The following ST6GALNAC3 variants were observed in gnomAD, a reference collection of about 807,000 sequenced individuals.
The protein encoded by ST6GALNAC3 is ST6 N-acetylgalactosaminide alpha-2,6-sialyltransferase 3.
ST6GALNAC3 carries 25 observed loss-of-function variants against 32.7 expected under a neutral mutation model. The ratio of observed to expected loss-of-function variants is 0.76; its 90% CI spans 0.56 to 1.07. The LOEUF is 1.07. Ranked by LOEUF, ST6GALNAC3 falls within the 50% of genes least tolerant of loss-of-function variation. The pLI, the probability that ST6GALNAC3 is intolerant of heterozygous loss-of-function variation, is 0.00. For synonymous variants in ST6GALNAC3, 129 were observed against 133.1 expected, an observed-to-expected ratio of 0.97 and a Z score of 0.21; for missense variants, 355 against 382.4, an observed-to-expected ratio of 0.93 and a Z score of 0.60.
chr1:76,260,293 C>G (rs1658150700), intron 1 of ST6GALNAC3, among the ~76,000 whole-genome samples: 1 of 152,244 alleles, frequency 6.6e-6, no homozygotes, highest in African/African-American at 2.4e-5. Context: ...TACACTTTCA[C>G]TAGTACCTTC....
chr1:76,191,666 A>G (rs1473713855), intron 1 of ST6GALNAC3, among the ~76,000 whole-genome samples: 3 of 152,146 alleles, frequency 2.0e-5, no homozygotes, highest in African/African-American at 4.8e-5. Context: ...CAATGTGTCA[A>G]CTAAAAAATA....
intron 3 of ST6GALNAC3, among the ~76,000 whole-genome samples, chr1:76,622,953 A>G (rs1160027554): frequency 6.6e-6 from 1 of 151,992 alleles, no homozygotes; most frequent in Non-Finnish European, 1.5e-5. Context: ...ATATCTTTCC[A>G]GAAATGAGAA....
At chr1:76,153,533 T>A (rs1413384004) in intron 1 of ST6GALNAC3, among the ~76,000 whole-genome samples, 2 of 152,066 alleles carry the variant, frequency 1.3e-5, no homozygotes, top group Non-Finnish European at 2.9e-5. Flanking sequence ...ACAAAGCCGT[T>A]TGGGGAGGGG....
At chr1:76,191,155 G>A (rs1196916811) in intron 1 of ST6GALNAC3, among the ~76,000 whole-genome samples, 1 of 152,122 alleles carries the variant, frequency 6.6e-6, no homozygotes, top group Non-Finnish European at 1.5e-5. Flanking sequence ...GCTAGAGATG[G>A]AGCATGAGGT....
chr1:76,452,668 G>C (rs1033698587), intron 3 of ST6GALNAC3, among the ~76,000 whole-genome samples: 1 of 152,120 alleles, frequency 6.6e-6, no homozygotes, highest in African/African-American at 2.4e-5. Flanking sequence ...TACACTGTTG[G>C]ATTCAGTTAG....
chr1:76,585,392 G>A (rs140908012), intron 3 of ST6GALNAC3, among the ~76,000 whole-genome samples: 138 of 144,364 alleles, frequency 9.6e-4, no homozygotes, highest in Non-Finnish European at 1.2e-3. Context: ...TCTCAAAAAA[G>A]AAAAAAAAAA....
chr1:76,341,425 T>C (rs1248186111), intron 2 of ST6GALNAC3, among the ~76,000 whole-genome samples: 2 of 152,182 alleles, frequency 1.3e-5, no homozygotes, highest in African/African-American at 2.4e-5. Flanking sequence ...CCATGGTGTG[T>C]ATGTGACACA....
chr1:76,110,190 TC>T (rs552183763), intron 1 of ST6GALNAC3, among the ~76,000 whole-genome samples: 39 of 152,330 alleles, frequency 2.6e-4, no homozygotes, highest in Admixed American at 1.8e-3. Flanking sequence ...TTTTCCACAT[TC>T]CTTTCTTCTT....
At chr1:76,411,432 T>A (rs1415054663) in intron 2 of ST6GALNAC3, among the ~76,000 whole-genome samples, 1 of 152,138 alleles carries the variant, frequency 6.6e-6, no homozygotes, top group African/African-American at 2.4e-5. Flanking sequence ...ATATGATGAC[T>A]TGAGGGAATC....
chr1:76,401,439 T>C (rs1653408402), intron 2 of ST6GALNAC3, among the ~76,000 whole-genome samples: 1 of 152,224 alleles, frequency 6.6e-6, no homozygotes, highest in Non-Finnish European at 1.5e-5. Context: ...CCAATCTCAT[T>C]GAACATCGTA....
At chr1:76,145,229 G>A (rs1222749252) in intron 1 of ST6GALNAC3, among the ~76,000 whole-genome samples, 1 of 152,112 alleles carries the variant, frequency 6.6e-6, no homozygotes, top group Non-Finnish European at 1.5e-5. Context: ...AGTCTTTCTA[G>A]ACCAAAGGAC....
At chr1:76,377,390 G>A (rs1216567995) in intron 2 of ST6GALNAC3, among the ~76,000 whole-genome samples, 1 of 152,128 alleles carries the variant, frequency 6.6e-6, no homozygotes, top group Admixed American at 6.5e-5. Flanking sequence ...AGGAAGCATG[G>A]TTGGGAGACC....
chr1:76,163,757 A>G (rs778279837), intron 1 of ST6GALNAC3, among the ~76,000 whole-genome samples: 8 of 152,226 alleles, frequency 5.3e-5, no homozygotes, highest in Non-Finnish European at 1.0e-4. Context: ...TGAAAATTCA[A>G]GCTAATTTAC....
At chr1:76,233,757 G>T (rs992202067) in intron 1 of ST6GALNAC3, among the ~76,000 whole-genome samples, 11 of 152,158 alleles carry the variant, frequency 7.2e-5, no homozygotes, top group Non-Finnish European at 1.6e-4. Flanking sequence ...TAAACTTAGG[G>T]GTACAAGTGC....
At chr1:76,597,250 T>A (rs1054387307) in intron 3 of ST6GALNAC3, among the ~76,000 whole-genome samples, 1 of 152,182 alleles carries the variant, frequency 6.6e-6, no homozygotes, top group African/African-American at 2.4e-5. Flanking sequence ...TCTCACTTAT[T>A]TACTCAGTAA....
chr1:76,188,210 A>G (rs973569678), intron 1 of ST6GALNAC3, among the ~76,000 whole-genome samples: 2 of 152,072 alleles, frequency 1.3e-5, no homozygotes, highest in Non-Finnish European at 2.9e-5. Flanking sequence ...AAAAATACAA[A>G]AATTAGCTGG....
chr1:76,172,807 T>C (rs1652606944), intron 1 of ST6GALNAC3, among the ~76,000 whole-genome samples: 1 of 152,152 alleles, frequency 6.6e-6, no homozygotes, highest in South Asian at 2.1e-4. Flanking sequence ...CAAGGAGAAC[T>C]ACAAACCACT....
chr1:76,310,080 A>G (rs1264064932), intron 1 of ST6GALNAC3: 1 of 445,666 alleles, frequency 2.2e-6, no homozygotes, highest in Admixed American at 2.5e-5. Context: ...AACCAAGAGA[A>G]CCAGAGAGCC....
intron 1 of ST6GALNAC3, among the ~76,000 whole-genome samples, chr1:76,081,189 G>A (rs995828242): frequency 1.3e-5 from 2 of 151,902 alleles, no homozygotes; most frequent in Admixed American, 1.3e-4. Context: ...TTGTAAAGCA[G>A]GGGTGTTCAA....
Sources: allele counts gnomAD v4.1 joint callset (sites outside exome capture counted in the v4.1 genomes callset), GRCh38; gene constraint gnomAD v4.1.1; transcripts MANE v1.5; gene names NCBI Gene and HGNC (gene_info 2026-07-23, HGNC 2026-07-21).